Variants in PSMD1 observed in about 807,000 individuals in gnomAD.
PSMD1 encodes the protein proteasome 26S subunit, non-ATPase 1, also known as 26S proteasome non-ATPase regulatory subunit 1.
A neutral mutation model predicts 119.0 loss-of-function variants in PSMD1; 18 were observed. The ratio of observed to expected loss-of-function variants is 0.15; its 90% CI spans 0.10 to 0.22. The LOEUF (loss-of-function observed/expected upper bound fraction) is 0.22. PSMD1 is among the 10% of genes least tolerant of loss of function. The probability of loss-of-function intolerance (pLI) is 1.00; values close to 1 mark genes in which losing one functional copy is unlikely to be tolerated. For missense variants in PSMD1, 702 were observed against 1,158.5 expected, an observed-to-expected ratio of 0.61 and a Z score of 5.72; for synonymous variants, 374 against 396.6, an observed-to-expected ratio of 0.94 and a Z score of 0.68.
intron 16 of PSMD1, among the ~76,000 whole-genome samples, chr2:231,121,917 A>T (rs1406977550): frequency 1.3e-5 from 2 of 152,176 alleles, no homozygotes; most frequent in African/African-American, 4.8e-5. Context: ...ATGATTTTAC[A>T]TCTTAAGCTA....
chr2:231,073,048 T>C (rs989739786), intron 7 of PSMD1, among the ~76,000 whole-genome samples: 5 of 152,054 alleles, frequency 3.3e-5, no homozygotes, highest in African/African-American at 1.2e-4. Context: ...GGGTTATTAA[T>C]TGGCCTAATT....
At chr2:231,069,253 A>T (rs1285825637) in intron 5 of PSMD1, among the ~76,000 whole-genome samples, 4 of 151,924 alleles carry the variant, frequency 2.6e-5, no homozygotes. Context: ...ATACATATAG[A>T]TGTAATTTAA....
chr2:231,091,190 T>C (rs1386055868), intron 16 of PSMD1, among the ~76,000 whole-genome samples: 2 of 152,214 alleles, frequency 1.3e-5, no homozygotes, highest in African/African-American at 4.8e-5. Flanking sequence ...AAACACAATT[T>C]GTGGGTAATT....
In PSMD1 at chr2:231,083,755, C is replaced by T. The variant is rs572872118; in HGVS notation, c.1714C>T (p.Arg572Cys). 5.0e-6 allele frequency: 8 copies of T among 1,614,050 alleles called. No individual in the cohort carries two copies. Among genetic ancestry groups the T allele is most frequent in the African/African-American group, 4.0e-5 (3 of 75,024 alleles). The change falls in exon 14 of 25, where the codon CGT becomes TGT. Residue 572 changes from arginine (R) to cysteine (C), a missense_variant. This residue lies in a region of PSMD1 where 272 missense variants were observed against 511.6 expected (regional missense o/e 0.53). Coordinates refer to ENST00000308696, the MANE Select transcript of PSMD1 (RefSeq NM_002807.4). ...EADALIESLC[R>C]DKDPILRRSG... is the part of the protein sequence containing the mutation. ...TGATGCTCTCATTGAATCTCTCTGT[C>T]GTGACAAGGTGAGATCACATACGTC...
chr2:231,136,970 TTA>T (rs1331773445), intron 16 of PSMD1, among the ~76,000 whole-genome samples: 13 of 142,844 alleles, frequency 9.1e-5, no homozygotes, highest in South Asian at 2.1e-4. Context: ...TATATATATA[TTA>T]TATATATTAT....
At chr2:231,083,812 A>G (rs1694370410) in intron 14 of PSMD1, 49 bp downstream of exon 14, 2 of 1,571,658 alleles carry the variant, frequency 1.3e-6, no homozygotes, top group Non-Finnish European at 1.7e-6. Flanking sequence ...AGCATGTAAA[A>G]AACACTTAAC....
chr2:231,069,818 A>T (rs949198622), intron 5 of PSMD1, among the ~76,000 whole-genome samples: 1 of 152,124 alleles, frequency 6.6e-6, no homozygotes, highest in East Asian at 1.9e-4. Flanking sequence ...TTTTTAATCC[A>T]TTTTTTATGA....
At chr2:231,168,239 GGAAA>G in intron 23 of PSMD1, among the ~76,000 whole-genome samples, 1 of 152,122 alleles carries the variant, frequency 6.6e-6, no homozygotes, top group African/African-American at 2.4e-5. Flanking sequence ...CAGCCACAGT[GGAAA>G]AAAAGAATTT....
chr2:231,152,643 T>C (rs1000167772), intron 18 of PSMD1, among the ~76,000 whole-genome samples: 2 of 152,146 alleles, frequency 1.3e-5, no homozygotes, highest in Admixed American at 6.5e-5. Flanking sequence ...GGGAAAAGAT[T>C]CTGAAAGAAT....
chr2:231,081,269 A>G (rs915440604), intron 12 of PSMD1, among the ~76,000 whole-genome samples: 1 of 152,180 alleles, frequency 6.6e-6, no homozygotes, highest in Admixed American at 6.5e-5. Context: ...GTCTCAGGTA[A>G]AAACTTTCTT....
chr2:231,080,015 G>T, intron 11 of PSMD1, 126 bp from the exon 12 acceptor site: 1 of 756,652 alleles, frequency 1.3e-6, no homozygotes, highest in Non-Finnish European at 2.0e-6. Flanking sequence ...ATGAGAGAGA[G>T]CCCCACTACC....
chr2:231,152,621 C>G (rs1007458730), intron 18 of PSMD1, among the ~76,000 whole-genome samples: 2 of 151,970 alleles, frequency 1.3e-5, no homozygotes. Context: ...CAGACCAAGA[C>G]AAATGAAAAG....
At chr2:231,096,425 G>A (rs1694727894) in intron 16 of PSMD1, among the ~76,000 whole-genome samples, 1 of 152,140 alleles carries the variant, frequency 6.6e-6, no homozygotes, top group Non-Finnish European at 1.5e-5. Flanking sequence ...CAGGACCAAA[G>A]CAGCCCTGAC....
chr2:231,076,729 A>G (rs1350166100), intron 8 of PSMD1, among the ~76,000 whole-genome samples: 3 of 152,220 alleles, frequency 2.0e-5, no homozygotes, highest in Non-Finnish European at 2.9e-5. Context: ...AAGTTTCTCA[A>G]TTAAAATATA....
intron 16 of PSMD1, among the ~76,000 whole-genome samples, chr2:231,102,469 G>A (rs1049804711): frequency 6.6e-6 from 1 of 152,046 alleles, no homozygotes; most frequent in Non-Finnish European, 1.5e-5. Flanking sequence ...AAGCCTTATG[G>A]ATAACATACA....
In PSMD1 at chr2:231,170,602, A is replaced by G. The variant is rs747159926; in HGVS notation, c.2752A>G (p.Ser918Gly). 32 of 1,614,006 alleles carry G rather than the reference A, an allele frequency of 2.0e-5. No individual in the cohort carries two copies. Among genetic ancestry groups the G allele is most frequent in the Middle Eastern group, 1.6e-4 (1 of 6,084 alleles). Reference sequence around the variant, plus strand: ...AGGCATCATCATTCTGAAGGATACCAGTGAAGACATTGAGGAGCTGGTGGA... The same window carrying G: ...AGGCATCATCATTCTGAAGGATACCGGTGAAGACATTGAGGAGCTGGTGGA... Reference protein sequence around the residue: ...IGGIIILKDTSEDIEELVEPV... With the variant: ...IGGIIILKDTGEDIEELVEPV... Residue 918 changes from serine to glycine, a missense_variant, in exon 24 of 25, where the codon AGT (serine) becomes GGT (glycine). Transcript: ENST00000308696. This position sits in a 1 kb window ranked among gnomAD's most constrained non-coding sequence, Gnocchi z 4.1.
Position 231,114,567 on chromosome 2 carries a change from T to C in PSMD1, c.1884-24169T>C, listed in dbSNP as rs537636597. On this transcript the variant is annotated intron_variant, in intron 16 of 24. Transcript: ENST00000308696. ...AGATTGTTTCCCCTTCTATATTTCA[T>C]CATTCACTCCAAAAACTGGAGATAA... 4.3e-4 allele frequency among the ~76,000 whole-genome samples: 66 copies of C among 152,332 alleles called. 1 individual carries two copies. The highest frequency in any genetic ancestry group is 1.5e-3 in the African/African-American group (64 of 41,582).
At chr2:231,095,196 T>C (rs1347531400) in intron 16 of PSMD1, among the ~76,000 whole-genome samples, 2 of 152,246 alleles carry the variant, frequency 1.3e-5, no homozygotes, top group East Asian at 3.8e-4. Flanking sequence ...AGTCTGGGGC[T>C]GTATTGCCCT....
chr2:231,108,294 C>A (rs1372517688), intron 16 of PSMD1: 10 of 450,390 alleles, frequency 2.2e-5, no homozygotes, highest in Non-Finnish European at 3.5e-5. Context: ...AAAATTTAAC[C>A]AGAGTGCTGG....
Sources: allele counts gnomAD v4.1 joint callset (sites outside exome capture counted in the v4.1 genomes callset), GRCh38; gene constraint gnomAD v4.1.1; regional missense constraint gnomAD v4.1.1; non-coding constraint Gnocchi (gnomAD v3.1); transcripts MANE v1.5; gene names NCBI Gene and HGNC (gene_info 2026-07-23, HGNC 2026-07-21).